EPHA6: variants seen among roughly 807,000 people sequenced by gnomAD.
EPHA6 encodes EPH receptor A6.
Under a neutral mutation model 112.0 loss-of-function variants are expected in EPHA6, and 50 were observed. The observed-to-expected ratio is 0.45, with a 90% CI of 0.36 to 0.56. The LOEUF is 0.56. EPHA6 is among the 20% of genes least tolerant of loss of function. The probability of loss-of-function intolerance (pLI) is 0.00; values close to 1 mark genes in which losing one functional copy is unlikely to be tolerated. For missense variants in EPHA6, 1,280 were observed against 1,417.4 expected, an observed-to-expected ratio of 0.90 and a Z score of 1.56; for synonymous variants, 529 against 490.7, an observed-to-expected ratio of 1.08 and a Z score of -1.03.
rs142909067 is a variant in EPHA6, at chr3:96,866,827, G to T, written c.388G>T (p.Val130Leu). The change falls in exon 2 of 18, where the codon GTG (valine) becomes TTG (leucine). Residue 130 changes from valine (V) to leucine (L), a missense_variant and splice_region_variant. This residue lies in a region of EPHA6 where 220 missense variants were observed against 171.5 expected (regional missense o/e 1.28). Transcript: ENST00000389672. ...DCSHVSNNQV[V>L]LLDTTTVLGE... Reference sequence around the variant, plus strand: ...TTTTATTTTCTATTTAATTCCAGTTGTGTTGCTTGATACAACAACTGTACT... The same window carrying T: ...TTTTATTTTCTATTTAATTCCAGTTTTGTTGCTTGATACAACAACTGTACT... 3.4e-6 allele frequency: 5 copies of T among 1,466,152 alleles called. No individual in the cohort carries two copies. The highest frequency in any genetic ancestry group is 4.5e-6 in the Non-Finnish European group (5 of 1,104,184). 90.8% of individuals were successfully genotyped at this position (1,466,152 alleles called of 1,614,324 possible).
At chr3:97,020,214 T>A (rs936407196) in intron 3 of EPHA6, among the ~76,000 whole-genome samples, 2 of 152,206 alleles carry the variant, frequency 1.3e-5, no homozygotes, top group African/African-American at 4.8e-5. Context: ...ATCCACAGAC[T>A]GAAGCAGTTT....
chr3:97,713,415 A>G (rs1445275465), intron 14 of EPHA6, among the ~76,000 whole-genome samples: 1 of 152,178 alleles, frequency 6.6e-6, no homozygotes, highest in Non-Finnish European at 1.5e-5. Flanking sequence ...AAAATCTCAT[A>G]TAAGATTTTT....
intron 3 of EPHA6, among the ~76,000 whole-genome samples, chr3:97,015,750 C>T (rs1252262170): frequency 2.0e-5 from 3 of 152,042 alleles, no homozygotes; most frequent in South Asian, 2.1e-4. Context: ...ATCCAGAAGA[C>T]GCAGCTCCCC....
At chr3:96,859,741 G>T (rs1319962842) in intron 1 of EPHA6, among the ~76,000 whole-genome samples, 1 of 151,978 alleles carries the variant, frequency 6.6e-6, no homozygotes, top group Non-Finnish European at 1.5e-5. Context: ...CCTTTCTGTT[G>T]TCTACTGGGA....
intron 3 of EPHA6, among the ~76,000 whole-genome samples, chr3:97,147,935 G>C (rs1357105312): frequency 6.6e-6 from 1 of 151,964 alleles, no homozygotes; most frequent in African/African-American, 2.4e-5. Flanking sequence ...TTTTAGTTTT[G>C]ACAAATGTAA....
chr3:97,292,923 G>C (rs550366417), intron 5 of EPHA6, among the ~76,000 whole-genome samples: 31 of 151,842 alleles, frequency 2.0e-4, no homozygotes, highest in Admixed American at 1.8e-3. Flanking sequence ...ACCTGTGGTG[G>C]GTAGCACCTT....
chr3:96,907,470 G>GA (rs778770489), intron 2 of EPHA6, among the ~76,000 whole-genome samples: 15 of 144,512 alleles, frequency 1.0e-4, no homozygotes, highest in Non-Finnish European at 1.8e-4. Context: ...CGTTTACTAG[G>GA]AAAAAAAATT....
intron 11 of EPHA6, among the ~76,000 whole-genome samples, chr3:97,536,662 A>G (rs545100625): frequency 2.6e-5 from 4 of 152,244 alleles, no homozygotes; most frequent in Non-Finnish European, 5.9e-5. Flanking sequence ...GAGTAGATTC[A>G]AGCCAGCCAA....
intron 3 of EPHA6, among the ~76,000 whole-genome samples, chr3:97,208,834 A>G (rs1452099003): frequency 3.9e-5 from 6 of 152,188 alleles, no homozygotes; most frequent in Admixed American, 6.5e-5. Context: ...CAATGATACA[A>G]ATAATCATTT....
At chr3:97,248,838 A>C (rs1319598696) in intron 5 of EPHA6, among the ~76,000 whole-genome samples, 2 of 152,140 alleles carry the variant, frequency 1.3e-5, no homozygotes, top group Admixed American at 6.5e-5. Context: ...TTTACAGTTC[A>C]CTGGATTTTA....
At chr3:97,736,187 T>C in intron 16 of EPHA6, 69 bp downstream of exon 16, 12 of 1,328,356 alleles carry the variant, frequency 9.0e-6, no homozygotes, top group Non-Finnish European at 1.2e-5. Context: ...TAGATAATAA[T>C]AACAGGTAGA....
intron 11 of EPHA6, among the ~76,000 whole-genome samples, chr3:97,582,873 T>C (rs980513333): frequency 2.0e-5 from 3 of 152,072 alleles, no homozygotes; most frequent in African/African-American, 7.2e-5. Context: ...CCAAGGATGT[T>C]ATTGTATCTG....
At position 97,671,810 on chromosome 3, in the gene EPHA6, C is replaced by T. The variant is rs554642902; in HGVS notation, c.2784+33728C>T. Among the ~76,000 whole-genome samples, 3 of 151,440 alleles carry T rather than the reference C, an allele frequency of 2.0e-5. No homozygotes were observed. In the South Asian group the frequency reaches 6.3e-4, roughly 32 times the overall value. On this transcript the variant is annotated intron_variant, in intron 14 of 17. Transcript: ENST00000389672. ...AGTTTTGGGACAAAAGATGAAATTC[C>T]AGTATAGATTTTCAATGTCAAAAAG...
intron 15 of EPHA6, among the ~76,000 whole-genome samples, chr3:97,721,577 C>T (rs1464319669): frequency 6.6e-6 from 1 of 152,184 alleles, no homozygotes; most frequent in Non-Finnish European, 1.5e-5. Context: ...CATTGTTCTC[C>T]AAAGCACAAC....
At chr3:97,668,852 G>A (rs1168545658) in intron 14 of EPHA6, among the ~76,000 whole-genome samples, 1 of 129,718 alleles carries the variant, frequency 7.7e-6, no homozygotes, top group Non-Finnish European at 1.6e-5. Flanking sequence ...GGTAAAGGTT[G>A]CAGTGAGCCA....
intron 13 of EPHA6, among the ~76,000 whole-genome samples, chr3:97,626,094 A>T (rs1021152336): frequency 2.6e-5 from 4 of 151,744 alleles, no homozygotes; most frequent in Admixed American, 6.6e-5. Flanking sequence ...CAGATCATGA[A>T]AATGCTGGAC....
At chr3:96,929,759 G>T (rs115973618) in intron 2 of EPHA6, among the ~76,000 whole-genome samples, 3,463 of 152,134 alleles carry the variant, frequency 0.023, 138 homozygotes, top group African/African-American at 0.079. Flanking sequence ...TCCTGAATTT[G>T]AATGTTGGCC....
chr3:96,967,412 T>C (rs1460643370), intron 2 of EPHA6, among the ~76,000 whole-genome samples: 3 of 151,770 alleles, frequency 2.0e-5, no homozygotes, highest in Admixed American at 6.6e-5. Flanking sequence ...TGAATGTCTT[T>C]TTCACGCTGA....
chr3:97,602,007 T>C (rs190661053), intron 12 of EPHA6, among the ~76,000 whole-genome samples: 3 of 152,136 alleles, frequency 2.0e-5, no homozygotes, highest in African/African-American at 7.2e-5. Context: ...TATGATGCTT[T>C]CTACCAAAAG....
Sources: allele counts gnomAD v4.1 joint callset (sites outside exome capture counted in the v4.1 genomes callset), GRCh38; gene constraint gnomAD v4.1.1; regional missense constraint gnomAD v4.1.1; transcripts MANE v1.5; gene names NCBI Gene and HGNC (gene_info 2026-07-23, HGNC 2026-07-21).